ST8SIA1: variants seen among roughly 807,000 people sequenced by gnomAD.
ST8SIA1 encodes the protein alpha-N-acetylneuraminide alpha-2,8-sialyltransferase.
Under a neutral mutation model 35.9 loss-of-function variants are expected in ST8SIA1, and 16 were observed. The observed-to-expected ratio is 0.45, with a 90% confidence interval of 0.30 to 0.68. The LOEUF is 0.68. Ranked by LOEUF, ST8SIA1 falls within the 30% of genes least tolerant of loss-of-function variation. ST8SIA1 has a pLI of 0.09. For missense variants in ST8SIA1, 383 were observed against 453.6 expected, an observed-to-expected ratio of 0.84 and a Z score of 1.41; for synonymous variants, 170 against 169.6, an observed-to-expected ratio of 1.00 and a Z score of -0.02.
chr12:22,246,538 CA>C (rs1206248764), intron 4 of ST8SIA1, among the ~76,000 whole-genome samples: 2 of 152,134 alleles, frequency 1.3e-5, no homozygotes, highest in Non-Finnish European at 2.9e-5. Context: ...AGGCCTTATG[CA>C]GCTTCAGGGT....
chr12:22,210,370 A>G (rs1396641690), intron 4 of ST8SIA1, among the ~76,000 whole-genome samples: 1 of 152,230 alleles, frequency 6.6e-6, no homozygotes, highest in Non-Finnish European at 1.5e-5. Flanking sequence ...GTCTCTGTGT[A>G]GAAAAAACAA....
intron 1 of ST8SIA1, among the ~76,000 whole-genome samples, chr12:22,322,190 T>G (rs886302007): frequency 6.6e-6 from 1 of 152,106 alleles, no homozygotes; most frequent in Non-Finnish European, 1.5e-5. Context: ...CACAGCTAAG[T>G]TCTGAAAGCT....
intron 2 of ST8SIA1, among the ~76,000 whole-genome samples, chr12:22,258,513 A>G (rs1865752543): frequency 6.6e-6 from 1 of 152,126 alleles, no homozygotes; most frequent in Non-Finnish European, 1.5e-5. Context: ...AAAGAAAAAA[A>G]TTACATCAAA....
Position 22,287,081 on chromosome 12 carries a change from A to G in ST8SIA1, c.381+68T>C, listed in dbSNP as rs1046760118. 22 of 1,472,392 alleles carry G rather than the reference A, an allele frequency of 1.5e-5. 1 individual carries two copies. The African/African-American group carries it at 2.7e-4, about 18-fold the overall frequency. 91.2% of individuals were successfully genotyped at this position (1,472,392 alleles called of 1,614,324 possible). On this transcript the variant is annotated intron_variant, in intron 2 of 4. Transcript: ENST00000396037. ...CAATCTGATGAGTAAGGCAAACTCA[A>G]TTATCCCTTTTCTATGACAGCAAGA...
At chr12:22,255,942 G>A (rs551801505) in intron 2 of ST8SIA1, among the ~76,000 whole-genome samples, 1 of 152,262 alleles carries the variant, frequency 6.6e-6, no homozygotes, top group South Asian at 2.1e-4. Flanking sequence ...ATATACCTAG[G>A]TAACAAACTC....
intron 4 of ST8SIA1, among the ~76,000 whole-genome samples, chr12:22,214,079 C>A (rs1047703663): frequency 6.6e-6 from 1 of 151,978 alleles, no homozygotes; most frequent in African/African-American, 2.4e-5. Context: ...ACATGTTGAG[C>A]CACAGACATG....
rs769038008 is a variant in ST8SIA1, at chr12:22,201,995, T to C, written c.628A>G (p.Met210Val). The C allele has an allele frequency of 1.2e-6, 2 of 1,612,940 alleles. No homozygotes were observed. The highest frequency in any genetic ancestry group is 1.7e-6 in the Non-Finnish European group (2 of 1,179,676). Residue 210 changes from methionine to valine, a missense_variant, in exon 5 of 5, where the codon ATG becomes GTG. By Grantham distance (21) the Met-to-Val change is conservative (BLOSUM62 1). Transcript: ENST00000396037. ...ATGTAACTGTGGTTATAAATTTTCA[T>C]GTTGTCCACAAATGTCTTTCTGGAC... ...LWSRKTFVDNMKIYNHSYIYM... is the reference protein window; with the variant it reads ...LWSRKTFVDNVKIYNHSYIYM...
At chr12:22,249,123 T>G (rs1212794652) in intron 3 of ST8SIA1, 25 bp from the exon 4 acceptor site, 1 of 1,453,406 alleles carries the variant, frequency 6.9e-7, no homozygotes, top group Non-Finnish European at 9.7e-7. Flanking sequence ...ACAAACATTT[T>G]GGAACAATTT....
At chr12:22,265,845 T>C (rs1244014513) in intron 2 of ST8SIA1, among the ~76,000 whole-genome samples, 1 of 151,960 alleles carries the variant, frequency 6.6e-6, no homozygotes, top group South Asian at 2.1e-4. Flanking sequence ...CACTCTCATA[T>C]CCTAATTCTT....
chr12:22,272,883 T>C (rs972733528), intron 2 of ST8SIA1, among the ~76,000 whole-genome samples: 1 of 152,240 alleles, frequency 6.6e-6, no homozygotes, highest in Admixed American at 6.5e-5. Flanking sequence ...CATCTCTGAC[T>C]GTGATTTTTA....
At chr12:22,255,191 G>A in intron 3 of ST8SIA1, 89 bp downstream of exon 3, 1 of 1,013,726 alleles carries the variant, frequency 9.9e-7, no homozygotes, top group South Asian at 1.3e-5. Flanking sequence ...TTCATCACAA[G>A]TGACTAGTTT....
At chr12:22,262,853 AAAG>A (rs1431589555) in intron 2 of ST8SIA1, among the ~76,000 whole-genome samples, 1 of 152,246 alleles carries the variant, frequency 6.6e-6, no homozygotes, top group Non-Finnish European at 1.5e-5. Flanking sequence ...TAAGAATTAA[AAAG>A]AAGTTCTTTA....
chr12:22,264,191 G>T (rs954747698), intron 2 of ST8SIA1, among the ~76,000 whole-genome samples: 1 of 151,856 alleles, frequency 6.6e-6, no homozygotes, highest in African/African-American at 2.4e-5. Flanking sequence ...CCCCTCTTAT[G>T]AATGTAATTA....
intron 1 of ST8SIA1, among the ~76,000 whole-genome samples, chr12:22,290,833 C>T (rs933298716): frequency 5.3e-5 from 8 of 152,104 alleles, no homozygotes; most frequent in Admixed American, 3.3e-4. Context: ...TCATGCTTTG[C>T]GCTGATGCTG....
chr12:22,208,498 A>T (rs1865141067), intron 4 of ST8SIA1, among the ~76,000 whole-genome samples: 1 of 152,174 alleles, frequency 6.6e-6, no homozygotes. Flanking sequence ...AAATAAGCCT[A>T]AAAATAAATA....
At chr12:22,287,350 C>T (rs1866113217) in intron 1 of ST8SIA1, 57 bp from the exon 2 acceptor site, 14 of 1,549,820 alleles carry the variant, frequency 9.0e-6, no homozygotes, top group Admixed American at 3.6e-5. Context: ...GGAGCAGATT[C>T]ATTCACTTGT....
intron 2 of ST8SIA1, among the ~76,000 whole-genome samples, chr12:22,274,779 G>T (rs1458357405): frequency 6.6e-6 from 1 of 152,132 alleles, no homozygotes; most frequent in African/African-American, 2.4e-5. Flanking sequence ...TGCCATGTGG[G>T]TGCAAAGGTT....
chr12:22,209,929 T>C (rs1049809744), intron 4 of ST8SIA1, among the ~76,000 whole-genome samples: 3 of 152,206 alleles, frequency 2.0e-5, no homozygotes, highest in African/African-American at 7.2e-5. Context: ...TTATTTTGTT[T>C]ACTATTAAAT....
chr12:22,324,971 A>G (rs1866656146), intron 1 of ST8SIA1: 1 of 152,298 alleles, frequency 6.6e-6, no homozygotes, highest in African/African-American at 2.4e-5. Context: ...TTGAGTGAAT[A>G]AAAGAGGATA....
Sources: allele counts gnomAD v4.1 joint callset (sites outside exome capture counted in the v4.1 genomes callset), GRCh38; gene constraint gnomAD v4.1.1; transcripts MANE v1.5; gene names NCBI Gene and HGNC (gene_info 2026-07-23, HGNC 2026-07-21).